The following VIRMA variants were observed in gnomAD, a reference collection of about 807,000 sequenced individuals.
VIRMA encodes protein virilizer homolog.
In VIRMA, 65 loss-of-function variants were observed where a neutral mutation model predicts 182.4. That is an observed-to-expected ratio of 0.36 (90% CI 0.29 to 0.44). VIRMA has a LOEUF of 0.44. Ranked by LOEUF, VIRMA falls within the 20% of genes least tolerant of loss-of-function variation. The probability of loss-of-function intolerance (pLI) is 1.00; values close to 1 mark genes in which losing one functional copy is unlikely to be tolerated. For missense variants in VIRMA, 1,752 were observed against 2,158.1 expected, an observed-to-expected ratio of 0.81 and a Z score of 3.73; for synonymous variants, 709 against 743.1, an observed-to-expected ratio of 0.95 and a Z score of 0.75.
intron 19 of VIRMA, among the ~76,000 whole-genome samples, 174 bp downstream of exon 19, chr8:94,495,557 T>TAA (rs11382498): frequency 4.3e-4 from 54 of 125,028 alleles, no homozygotes; most frequent in East Asian, 8.3e-4. Context: ...TTGTATAAAT[T>TAA]AAAAAAAAAA....
At chr8:94,507,653 C>T (rs1409229131) in intron 15 of VIRMA, among the ~76,000 whole-genome samples, 1 of 151,806 alleles carries the variant, frequency 6.6e-6, no homozygotes, top group Non-Finnish European at 1.5e-5. Flanking sequence ...TACTGGGAGG[C>T]TGAGGCAGAA....
At chr8:94,537,239 T>C (rs1462865975) in intron 3 of VIRMA, 88 bp from the exon 4 acceptor site, 2 of 862,680 alleles carry the variant, frequency 2.3e-6, no homozygotes, top group Non-Finnish European at 1.9e-6. Flanking sequence ...AATATTTTAA[T>C]ATAATCAAAT....
At position 94,537,125 on chromosome 8, in the gene VIRMA, A is replaced by C; in HGVS notation, c.293T>G (p.Ile98Ser). 1 of 1,605,492 alleles carries C rather than the reference A, an allele frequency of 6.2e-7. No homozygotes were observed. Among genetic ancestry groups the C allele is most frequent in the Non-Finnish European group, 8.5e-7 (1 of 1,172,194 alleles). ...GSLEYDENTS[I>S]IFRPNSKVNT... The stretch of plus-strand genomic sequence containing the variant: ...TACCTTTGAGTTAGGTCTAAAGATG[A>C]TGGAAGTATTCTCATCATATTCCAG... Residue 98 changes from isoleucine to serine, a missense_variant, in exon 4 of 24, where the codon ATC becomes AGC. Physicochemically the swap from Ile to Ser is moderately radical, Grantham distance 142. Coordinates refer to ENST00000297591, the MANE Select transcript of VIRMA (RefSeq NM_015496.5).
chr8:94,537,093 C>G lies in VIRMA; in HGVS notation c.315+10G>C. 1 of 1,583,372 alleles carries G rather than the reference C, an allele frequency of 6.3e-7. No homozygotes were observed. ...GTAATGACAAGCTGAAAACTGACTT[C>G]CAGAATTACCTTTGAGTTAGGTCTA... On this transcript the variant is annotated intron_variant, in intron 4 of 23. Transcript: ENST00000297591.
At chr8:94,532,850 A>G (rs1043824699) in intron 5 of VIRMA, among the ~76,000 whole-genome samples, 1 of 151,946 alleles carries the variant, frequency 6.6e-6, no homozygotes, top group African/African-American at 2.4e-5. Context: ...AGTCCTAGCT[A>G]CTCCACAGAC....
chr8:94,504,680 A>G (rs1454951890), intron 16 of VIRMA, among the ~76,000 whole-genome samples: 1 of 152,212 alleles, frequency 6.6e-6, no homozygotes, highest in Non-Finnish European at 1.5e-5. Context: ...GCTATGCAAG[A>G]AATGATAGTG....
chr8:94,512,428 T>C (rs1814411369), intron 11 of VIRMA: 1 of 153,700 alleles, frequency 6.5e-6, no homozygotes, highest in South Asian at 2.1e-4. Flanking sequence ...CTACTTTCTA[T>C]ATACTCTTTT....
intron 11 of VIRMA, among the ~76,000 whole-genome samples, chr8:94,512,751 T>C (rs1814422326): frequency 6.6e-6 from 1 of 152,180 alleles, no homozygotes; most frequent in Admixed American, 6.5e-5. Context: ...CACTCCAGCC[T>C]GGGTGACACA....
rs2304764 is a variant in VIRMA at position 94,534,891 on chromosome 8, T to G, written c.432A>C (p.Pro144=). 0.26 allele frequency: 425,240 copies of G among 1,607,340 alleles called. 61,246 individuals are homozygous for G. The highest frequency in any genetic ancestry group is 0.49 in the East Asian group (22,123 of 44,774). Residue 144 remains proline, a synonymous_variant, in exon 5 of 24, where the codon CCA becomes CCC. Coordinates refer to ENST00000297591, the MANE Select transcript of VIRMA (RefSeq NM_015496.5). ...GTTGTGGCTGGGGAGGTGGTGGCGG[T>G]GGAGGTGGTGGTGGTGGAGAGTCTC... is the stretch of plus-strand genomic sequence containing the variant. ...HDRDSPPPPP[P]PPPPPQPQPS...
At chr8:94,527,650 T>C (rs1351067523) in intron 7 of VIRMA, among the ~76,000 whole-genome samples, 1 of 152,182 alleles carries the variant, frequency 6.6e-6, no homozygotes, top group Non-Finnish European at 1.5e-5. Flanking sequence ...GTAACAGATA[T>C]CTTTTCCTCA....
chr8:94,524,791 A>C (rs1344863356), intron 8 of VIRMA, among the ~76,000 whole-genome samples: 1 of 152,204 alleles, frequency 6.6e-6, no homozygotes, highest in Non-Finnish European at 1.5e-5. Flanking sequence ...CTTTTGCCAG[A>C]GCCCCATTTG....
intron 15 of VIRMA, among the ~76,000 whole-genome samples, chr8:94,507,774 A>C (rs914743927): frequency 4.0e-5 from 6 of 151,676 alleles, no homozygotes; most frequent in East Asian, 2.0e-4. Flanking sequence ...AAACAAAAAA[A>C]CAAAAAGCCC....
rs989487063 is a variant in VIRMA at position 94,487,923 on chromosome 8, T to C, written c.*783A>G. 5 of 152,232 alleles carry C rather than the reference T, an allele frequency of 3.3e-5. No homozygotes were observed. Among genetic ancestry groups the C allele is most frequent in the Admixed American group, 3.3e-4 (5 of 15,282 alleles). The allele number at this position is 152,232 out of a possible 1,614,324, so 9.4% of individuals were successfully genotyped here. On this transcript the variant is annotated 3_prime_UTR_variant, in exon 24 of 24. Coordinates refer to ENST00000297591, the MANE Select transcript of VIRMA (RefSeq NM_015496.5). ...AGTGTCAGTAGGTCCAAAGCTGAAATGCAAAGTTCAGATTTCTAATACAAA... is the reference window on the plus strand; with the variant it reads ...AGTGTCAGTAGGTCCAAAGCTGAAACGCAAAGTTCAGATTTCTAATACAAA...
intron 1 of VIRMA, chr8:94,546,982 T>TGC (rs927028167): frequency 2.2e-6 from 1 of 455,302 alleles, no homozygotes; most frequent in African/African-American, 2.0e-5. Flanking sequence ...ATGTTCTCTC[T>TGC]GCTTGAAATC....
chr8:94,499,578 A>C (rs1431708874), intron 16 of VIRMA, 72 bp from the exon 17 acceptor site: 2 of 1,115,598 alleles, frequency 1.8e-6, no homozygotes. Flanking sequence ...TGATAAATGA[A>C]CTCACTTCAG....
In VIRMA at chr8:94,529,183, T is replaced by G. The variant is rs1339283210; in HGVS notation, c.767A>C (p.Asp256Ala). The G allele has an allele frequency of 7.0e-7, 1 of 1,435,566 alleles. No homozygotes were observed. Among genetic ancestry groups the G allele is most frequent in the Non-Finnish European group, 9.8e-7 (1 of 1,017,840 alleles). The allele number at this position is 1,435,566 out of a possible 1,614,324, so 88.9% of individuals were successfully genotyped here. Reference sequence around the variant, plus strand: ...ATCCTCATCCTCTTCTTCCTCTACATCCACATCATCTTCATCTTCTTCTCC... The same window carrying G: ...ATCCTCATCCTCTTCTTCCTCTACAGCCACATCATCTTCATCTTCTTCTCC... ...EEGEEDEDDV[D>A]VEEEEDEDED... The change falls in exon 7 of 24, where the codon GAT becomes GCT. Residue 256 changes from aspartate (D) to alanine (A), a missense_variant. Coordinates refer to ENST00000297591, the MANE Select transcript of VIRMA (RefSeq NM_015496.5).
At chr8:94,552,554 AAATGTGAAG>A (rs1178008395) in intron 1 of VIRMA, among the ~76,000 whole-genome samples, 1 of 152,240 alleles carries the variant, frequency 6.6e-6, no homozygotes, top group Non-Finnish European at 1.5e-5. Context: ...TAAGACAGAA[AAATGTGAAG>A]TTCGTTTTTT....
Position 94,529,276 on chromosome 8 carries a change from C to T in VIRMA, c.674G>A (p.Arg225Gln), listed in dbSNP as rs775262887. 2.1e-5 allele frequency: 34 copies of T among 1,612,884 alleles called. 1 individual carries two copies. The South Asian group carries it at 2.4e-4, about 11-fold the overall frequency. The change falls in exon 7 of 24, where the codon CGG (arginine) becomes CAG (glutamine). Residue 225 changes from arginine to glutamine, a missense_variant. By Grantham distance (43) the Arg-to-Gln change is conservative. Around this residue, in one of 11 missense-constraint regions of VIRMA, gnomAD observed 114 missense variants for 106.9 expected, o/e 1.07. Coordinates refer to ENST00000297591, the MANE Select transcript of VIRMA (RefSeq NM_015496.5). The stretch of plus-strand genomic sequence containing the variant: ...TTGCCCTTCCTGGGGAACAGAATTC[C>T]GATCAGGAGAAATGGGCTCAAAGTA... Reference protein sequence around the residue: ...EDYFEPISPDRNSVPQEGQYS... With the variant: ...EDYFEPISPDQNSVPQEGQYS...
At chr8:94,525,933 G>A (rs1048249470) in intron 8 of VIRMA, among the ~76,000 whole-genome samples, 2 of 152,166 alleles carry the variant, frequency 1.3e-5, no homozygotes, top group Non-Finnish European at 2.9e-5. Flanking sequence ...CCAGAAGCAA[G>A]TCAGCAGTTT....
Sources: gnomAD v4.1 joint callset for allele counts (sites outside exome capture counted in the v4.1 genomes callset) on GRCh38, gnomAD v4.1.1 for gene constraint, gnomAD v4.1.1 regional missense constraint, MANE v1.5 for transcripts, NCBI Gene and HGNC (gene_info 2026-07-23, HGNC 2026-07-21) for gene names.